The following MAMDC2 variants were observed in gnomAD, a reference collection of about 807,000 sequenced individuals.
MAMDC2 encodes MAM domain-containing protein 2.
In MAMDC2, 57 loss-of-function variants were observed where a neutral mutation model predicts 89.8. The observed-to-expected ratio is 0.63, with a 90% CI of 0.51 to 0.79. MAMDC2 has a LOEUF of 0.79. Ranked by LOEUF, MAMDC2 falls within the 30% of genes least tolerant of loss-of-function variation. MAMDC2 has a pLI of 0.00. For synonymous variants in MAMDC2, 313 were observed against 293.4 expected, an observed-to-expected ratio of 1.07 and a Z score of -0.68; for missense variants, 800 against 820.6, an observed-to-expected ratio of 0.97 and a Z score of 0.31.
At chr9:70,107,313 G>A (rs3015208) in intron 2 of MAMDC2, among the ~76,000 whole-genome samples, 9,705 of 152,134 alleles carry the variant, frequency 0.064, 993 homozygotes, top group African/African-American at 0.21. Context: ...AGCACTTGTC[G>A]ATATTAGGAG....
chr9:70,066,866 G>A (rs1035747802), intron 2 of MAMDC2, among the ~76,000 whole-genome samples: 9 of 152,156 alleles, frequency 5.9e-5, no homozygotes, highest in Non-Finnish European at 1.3e-4. Flanking sequence ...TGCCGATAAA[G>A]TAACACATAA....
chr9:70,210,369 C>A (rs576446309), intron 11 of MAMDC2, among the ~76,000 whole-genome samples: 1 of 152,218 alleles, frequency 6.6e-6, no homozygotes, highest in African/African-American at 2.4e-5. Flanking sequence ...TTGACTTGAT[C>A]CCTTTACCAT....
At chr9:70,131,404 T>G (rs1425541705) in intron 6 of MAMDC2, 115 bp from the exon 7 acceptor site, 1 of 676,872 alleles carries the variant, frequency 1.5e-6, no homozygotes, top group Admixed American at 2.9e-5. Flanking sequence ...ATTCCATGAG[T>G]CCTTGTAACT....
chr9:70,167,721 C>T (rs559062904), intron 9 of MAMDC2, among the ~76,000 whole-genome samples: 2 of 152,302 alleles, frequency 1.3e-5, no homozygotes, highest in African/African-American at 4.8e-5. Flanking sequence ...GGAAAGAAAT[C>T]CAAGACTTTT....
chr9:70,107,888 T>C (rs1299847944), intron 2 of MAMDC2, among the ~76,000 whole-genome samples: 2 of 152,128 alleles, frequency 1.3e-5, no homozygotes, highest in Non-Finnish European at 2.9e-5. Flanking sequence ...GGGCCTGGTG[T>C]AAAAGAATAA....
rs532767543 is a variant in MAMDC2, at chr9:70,113,113, C to T, written c.624C>T (p.His208=). The T allele has an allele frequency of 4.3e-6, 7 of 1,613,910 alleles. No individual in the cohort carries two copies. The highest frequency in any genetic ancestry group is 4.5e-5 in the East Asian group (2 of 44,872). Residue 208 remains histidine (H), a synonymous_variant, in exon 5 of 14, where the codon CAC becomes CAT. Transcript: ENST00000377182. The stretch of plus-strand genomic sequence containing the variant: ...TCCACTCCATTCTCCCACAGGATCA[C>T]ACCTTCAAGAGTGAACTGGGTGAGC... The part of the protein sequence containing the change: ...RNVHSILPQD[H]TFKSELGHYM...
intron 2 of MAMDC2, among the ~76,000 whole-genome samples, chr9:70,065,220 C>T (rs192899846): frequency 6.6e-6 from 1 of 152,130 alleles, no homozygotes; most frequent in Admixed American, 6.5e-5. Context: ...CTCATTTTTG[C>T]CTTTGAAAAG....
At chr9:70,044,482 C>T in intron 1 of MAMDC2, 102 bp from the exon 2 acceptor site, 1 of 992,546 alleles carries the variant, frequency 1.0e-6, no homozygotes, top group Non-Finnish European at 1.5e-6. Context: ...CCCTCCCGCT[C>T]GTCTTTCCCC....
intron 9 of MAMDC2, among the ~76,000 whole-genome samples, chr9:70,156,082 T>G (rs2118469667): frequency 6.6e-6 from 1 of 152,296 alleles, no homozygotes. Flanking sequence ...TCCTGTTATA[T>G]TTTTGGCATC....
intron 11 of MAMDC2, among the ~76,000 whole-genome samples, chr9:70,204,754 CG>C (rs1445030113): frequency 2.6e-5 from 4 of 152,088 alleles, no homozygotes; most frequent in Non-Finnish European, 5.9e-5. Context: ...GATATAGTCT[CG>C]TGGTGCGCCG....
At chr9:70,135,352 C>G (rs1240348456) in intron 7 of MAMDC2, among the ~76,000 whole-genome samples, 5 of 152,142 alleles carry the variant, frequency 3.3e-5, no homozygotes, top group Non-Finnish European at 5.9e-5. Context: ...GAAGCAAAGC[C>G]TCTGCACCCA....
chr9:70,204,704 C>T (rs549205164), intron 11 of MAMDC2, among the ~76,000 whole-genome samples: 3 of 151,400 alleles, frequency 2.0e-5, no homozygotes, highest in East Asian at 2.0e-4. Flanking sequence ...TAGCAATCAG[C>T]GAGATTCCGT....
chr9:70,059,635 A>G (rs1413604132), intron 2 of MAMDC2, among the ~76,000 whole-genome samples: 1 of 152,210 alleles, frequency 6.6e-6, no homozygotes, highest in Non-Finnish European at 1.5e-5. Flanking sequence ...GACAGTTTCA[A>G]TAAAGTACAG....
In MAMDC2 at chr9:70,206,737, G is replaced by A. The variant is rs145871413; in HGVS notation, c.1652-11600G>A. ...GTTGGTGTGCTGCACCCATTAACTC[G>A]TCATTTACAATAGGTATAACTCCTA... is the stretch of plus-strand genomic sequence containing the variant. On this transcript the variant is annotated intron_variant, in intron 11 of 13. Transcript: ENST00000377182. Among the ~76,000 whole-genome samples the A allele has an allele frequency of 3.8e-3, 580 of 152,006 alleles. 2 individuals carry two copies. Among genetic ancestry groups the A allele is most frequent in the African/African-American group, 0.013 (549 of 41,438 alleles).
At chr9:70,196,275 C>T (rs1248555178) in intron 11 of MAMDC2, among the ~76,000 whole-genome samples, 1 of 152,086 alleles carries the variant, frequency 6.6e-6, no homozygotes, top group African/African-American at 2.4e-5. Flanking sequence ...ACCATATCAC[C>T]TTCTATCTGT....
intron 11 of MAMDC2, among the ~76,000 whole-genome samples, chr9:70,176,101 A>G (rs546539247): frequency 1.3e-5 from 2 of 152,222 alleles, no homozygotes; most frequent in African/African-American, 4.8e-5. Flanking sequence ...AACAGGGTAA[A>G]CTCTTAAGTT....
At chr9:70,126,564 C>T (rs1294233884) in intron 6 of MAMDC2, 149 bp downstream of exon 6, 11 of 811,994 alleles carry the variant, frequency 1.4e-5, no homozygotes, top group Non-Finnish European at 1.9e-5. Flanking sequence ...ATCCTCAGCC[C>T]CTCTCCTGCT....
intron 9 of MAMDC2, among the ~76,000 whole-genome samples, chr9:70,150,795 A>G (rs1587517152): frequency 6.6e-6 from 1 of 152,104 alleles, no homozygotes. Context: ...AATGACTTCA[A>G]TATCTTCGTA....
intron 2 of MAMDC2, among the ~76,000 whole-genome samples, chr9:70,050,169 T>C (rs1014516952): frequency 1.3e-5 from 2 of 152,170 alleles, no homozygotes; most frequent in South Asian, 2.1e-4. Context: ...TGCCATACCA[T>C]GTAACATGTA....
Sources: gnomAD v4.1 joint callset for allele counts (sites outside exome capture counted in the v4.1 genomes callset) on GRCh38, gnomAD v4.1.1 for gene constraint, MANE v1.5 for transcripts, NCBI Gene and HGNC (gene_info 2026-07-23, HGNC 2026-07-21) for gene names.